PRKG1: variants seen among roughly 807,000 people sequenced by gnomAD.
PRKG1 encodes the protein cGMP-dependent protein kinase 1.
PRKG1 carries 35 observed loss-of-function variants against 88.1 expected under a neutral mutation model. The observed-to-expected ratio is 0.40, with a 90% CI of 0.30 to 0.53. PRKG1 has a LOEUF of 0.53. Ranked by LOEUF, PRKG1 falls within the 20% of genes least tolerant of loss-of-function variation. The pLI, the probability that PRKG1 is intolerant of heterozygous loss-of-function variation, is 0.59. For missense variants in PRKG1, 540 were observed against 839.8 expected (o/e 0.64, Z 4.41); for synonymous variants, 303 against 292.5 (o/e 1.04, Z -0.37).
At chr10:51,500,491 A>G (rs1357924415) in intron 3 of PRKG1, among the ~76,000 whole-genome samples, 1 of 152,218 alleles carries the variant, frequency 6.6e-6, no homozygotes, top group Non-Finnish European at 1.5e-5. Context: ...CCAAAAACTT[A>G]GGTTCAGGTA....
intron 3 of PRKG1, among the ~76,000 whole-genome samples, chr10:51,575,268 T>A (rs560049333): frequency 3.3e-5 from 5 of 152,008 alleles, no homozygotes; most frequent in Admixed American, 1.3e-4. Flanking sequence ...TCTCTTTCAA[T>A]AAGAAGTTGG....
chr10:52,213,737 C>T (rs1840041502), intron 9 of PRKG1, among the ~76,000 whole-genome samples: 1 of 152,144 alleles, frequency 6.6e-6, no homozygotes, highest in Non-Finnish European at 1.5e-5. Context: ...GAGGCAGTGG[C>T]TACTGTGAAA....
At chr10:52,137,584 T>G (rs1837462617) in intron 8 of PRKG1, among the ~76,000 whole-genome samples, 1 of 152,086 alleles carries the variant, frequency 6.6e-6, no homozygotes. Context: ...TAAAATGGCA[T>G]AATATTTGCA....
intron 2 of PRKG1, among the ~76,000 whole-genome samples, chr10:51,374,091 A>T (rs1015190511): frequency 7.7e-5 from 5 of 64,834 alleles, no homozygotes; most frequent in East Asian, 3.3e-4. Flanking sequence ...GCAAAAAAAA[A>T]AAATATATAT....
chr10:51,636,867 T>A (rs1839669263), intron 3 of PRKG1, among the ~76,000 whole-genome samples: 1 of 152,158 alleles, frequency 6.6e-6, no homozygotes, highest in African/African-American at 2.4e-5. Flanking sequence ...ACAGTGTGAG[T>A]TACTTGATGG....
intron 7 of PRKG1, among the ~76,000 whole-genome samples, chr10:52,082,782 T>A (rs904665172): frequency 9.9e-5 from 15 of 152,180 alleles, no homozygotes; most frequent in Middle Eastern, 3.4e-3. Flanking sequence ...ACATTAGGGG[T>A]ATTTAGCGTA....
intron 4 of PRKG1, among the ~76,000 whole-genome samples, chr10:51,865,052 A>G (rs945613980): frequency 1.3e-5 from 2 of 152,144 alleles, no homozygotes; most frequent in Non-Finnish European, 2.9e-5. Flanking sequence ...CGCCAGCTAC[A>G]TTAATGAATT....
In PRKG1 at chr10:52,210,924, A is replaced by G. The variant is rs531942545; in HGVS notation, c.1077-40646A>G. On this transcript the variant is annotated intron_variant, in intron 9 of 17. Transcript: ENST00000373980. The stretch of plus-strand genomic sequence containing the variant: ...TATACATCAATGAGTCAATATACTT[A>G]TTTTCTTCAGGTTTAAGTTTTAATT... Among the ~76,000 whole-genome samples, 8 of 152,286 alleles carry G rather than the reference A, an allele frequency of 5.3e-5. No individual in the cohort carries two copies. The South Asian group carries it at 1.7e-3, about 32-fold the overall frequency.
chr10:51,863,749 A>C (rs376844923), intron 4 of PRKG1, among the ~76,000 whole-genome samples: 4 of 152,214 alleles, frequency 2.6e-5, no homozygotes, highest in African/African-American at 9.6e-5. Context: ...CCAGAATTGT[A>C]AGAAAGAAAT....
intron 9 of PRKG1, among the ~76,000 whole-genome samples, chr10:52,175,818 C>T (rs1311232510): frequency 6.6e-6 from 1 of 151,984 alleles, no homozygotes; most frequent in African/African-American, 2.4e-5. Context: ...AGTTCAAATC[C>T]TTTGCCCATT....
At chr10:51,016,458 G>T (rs1408384003) in intron 1 of PRKG1, among the ~76,000 whole-genome samples, 4 of 151,840 alleles carry the variant, frequency 2.6e-5, no homozygotes, top group Admixed American at 2.6e-4. Context: ...CATCATTTCA[G>T]GCTTCTGTAA....
chr10:52,159,112 G>C lies in PRKG1; in HGVS notation c.1002-2777G>C, dbSNP rs189209927. Among the ~76,000 whole-genome samples the C allele has an allele frequency of 2.0e-4, 31 of 151,594 alleles. No homozygotes were observed. The East Asian group carries it at 5.2e-3, about 25-fold the overall frequency. On this transcript the variant is annotated intron_variant, in intron 8 of 17. Transcript: ENST00000373980. ...TACCTCCTCTAGTCATTTGTAGTTA[G>C]AGTCCTATGGGTGATTTCTTAATTT...
chr10:51,970,968 A>G (rs1179642339), intron 5 of PRKG1, among the ~76,000 whole-genome samples: 4 of 151,660 alleles, frequency 2.6e-5, no homozygotes, highest in African/African-American at 9.7e-5. Context: ...CTTGACTACT[A>G]GAATGGCTAG....
chr10:51,424,517 C>T (rs1288931075), intron 2 of PRKG1, among the ~76,000 whole-genome samples: 1 of 152,068 alleles, frequency 6.6e-6, no homozygotes. Context: ...TAACTGTCTT[C>T]TTGCAAGACT....
rs773365492 is a variant in PRKG1 at position 52,239,521 on chromosome 10, T to TTA, written c.1077-12049_1077-12048insTA. ...AATAAAAATAAAAATTTCTACAGTG[T>TTA]AAAAAAAAAAAAAAAAAAAAAAAAG... On this transcript the variant is annotated intron_variant, in intron 9 of 17. Transcript: ENST00000373980. Among the ~76,000 whole-genome samples, 26 of 56,740 alleles carry TTA rather than the reference T, an allele frequency of 4.6e-4. No individual in the cohort carries two copies. The East Asian group carries it at 4.8e-3, about 10-fold the overall frequency. The allele number at this position is 56,740 out of a possible 152,430, so 37.2% of individuals were successfully genotyped here.
At chr10:51,761,698 T>C (rs1838026007) in intron 3 of PRKG1, among the ~76,000 whole-genome samples, 1 of 152,234 alleles carries the variant, frequency 6.6e-6, no homozygotes, top group South Asian at 2.1e-4. Context: ...CGGAATTTAT[T>C]TTTTTCTTAC....
chr10:52,133,931 A>G, intron 8 of PRKG1, 26 bp downstream of exon 8: 1 of 1,573,430 alleles, frequency 6.4e-7, no homozygotes, highest in Non-Finnish European at 8.7e-7. Context: ...TATTATGTGA[A>G]TTACACACTC....
intron 5 of PRKG1, among the ~76,000 whole-genome samples, chr10:52,035,358 A>G (rs1845580067): frequency 6.6e-6 from 1 of 152,102 alleles, no homozygotes; most frequent in Admixed American, 6.5e-5. Context: ...GGAGTACTAG[A>G]ATAGCAGATG....
At position 51,660,544 on chromosome 10, in the gene PRKG1, G is replaced by A. The variant is rs187953391; in HGVS notation, c.593-144041G>A. On this transcript the variant is annotated intron_variant, in intron 3 of 17. Transcript: ENST00000373980. Reference sequence around the variant, plus strand: ...TTCAAGTATTTTTCAACCTAATTACGAAAAGCTTATAGTGACTCTTTCTCA... The same window carrying A: ...TTCAAGTATTTTTCAACCTAATTACAAAAAGCTTATAGTGACTCTTTCTCA... Among the ~76,000 whole-genome samples the A allele has an allele frequency of 2.8e-3, 421 of 152,058 alleles. 1 individual carries two copies. Among genetic ancestry groups the A allele is most frequent in the Non-Finnish European group, 4.6e-3 (313 of 67,970 alleles).
Sources: gnomAD v4.1 joint callset for allele counts (sites outside exome capture counted in the v4.1 genomes callset) on GRCh38, gnomAD v4.1.1 for gene constraint, MANE v1.5 for transcripts, NCBI Gene and HGNC (gene_info 2026-07-23, HGNC 2026-07-21) for gene names.